CSMD1: variants seen among roughly 807,000 people sequenced by gnomAD.
The protein encoded by CSMD1 is CUB and Sushi multiple domains 1.
A neutral mutation model predicts 417.5 loss-of-function variants in CSMD1; 213 were observed. The ratio of observed to expected loss-of-function variants is 0.51; its 90% CI spans 0.46 to 0.57. CSMD1 has a LOEUF of 0.57. Among genes scored for constraint, CSMD1 ranks in the 20% least tolerant of loss-of-function variants. The pLI is 0.00. For synonymous variants in CSMD1, 2,862 were observed against 1,736.8 expected (o/e 1.65, Z -16.11); for missense variants, 6,923 against 4,529.7 (o/e 1.53, Z -15.17).
intron 1 of CSMD1, among the ~76,000 whole-genome samples, chr8:4,821,833 T>A (rs1244737215): frequency 6.6e-6 from 1 of 152,092 alleles, no homozygotes; most frequent in East Asian, 1.9e-4. Flanking sequence ...CAAACTCAGA[T>A]CAGAAAAGCT....
In CSMD1 at chr8:3,619,733, CAT is replaced by C. The variant is rs1411827807; in HGVS notation, c.1010-2938_1010-2937del. On this transcript the variant is annotated intron_variant, in intron 7 of 69. Transcript: ENST00000635120. ...AGCAAGTCCTCATAAACAAGGGATC[CAT>C]AATAAGACTATCAACAGGTTTCTCC... 2.0e-5 allele frequency among the ~76,000 whole-genome samples: 3 copies of C among 151,880 alleles called. No homozygotes were observed. In the East Asian group the frequency reaches 5.8e-4, roughly 29 times the overall value.
At chr8:3,172,074 G>A (rs1820613389) in intron 37 of CSMD1, among the ~76,000 whole-genome samples, 1 of 152,082 alleles carries the variant, frequency 6.6e-6, no homozygotes, top group Non-Finnish European at 1.5e-5. Flanking sequence ...GCAGTAAATC[G>A]AGCTCCTTGC....
chr8:4,140,077 G>A (rs1188605301), intron 3 of CSMD1, among the ~76,000 whole-genome samples: 2 of 151,008 alleles, frequency 1.3e-5, no homozygotes, highest in Admixed American at 6.6e-5. Flanking sequence ...CAATAGCCAG[G>A]TACAGTTACT....
At chr8:3,481,610 T>G (rs1176745458) in intron 11 of CSMD1, among the ~76,000 whole-genome samples, 1 of 152,156 alleles carries the variant, frequency 6.6e-6, no homozygotes, top group Non-Finnish European at 1.5e-5. Context: ...GATCGAAATG[T>G]GGGGGATTGT....
chr8:3,506,651 T>C (rs1228033571), intron 10 of CSMD1, among the ~76,000 whole-genome samples: 1 of 152,198 alleles, frequency 6.6e-6, no homozygotes, highest in Non-Finnish European at 1.5e-5. Flanking sequence ...TACATCTGCA[T>C]ATTCAGTAAG....
intron 26 of CSMD1, among the ~76,000 whole-genome samples, chr8:3,249,002 C>T (rs571240166): frequency 4.5e-4 from 69 of 152,178 alleles, no homozygotes; most frequent in Admixed American, 6.5e-4. Context: ...ACTTGCTGAG[C>T]TCAGATGCTG....
At chr8:3,340,656 A>G (rs924451522) in intron 23 of CSMD1, among the ~76,000 whole-genome samples, 6 of 152,190 alleles carry the variant, frequency 3.9e-5, no homozygotes, top group Non-Finnish European at 7.3e-5. Flanking sequence ...TGATTCAGGT[A>G]TTTGATGACC....
chr8:4,981,716 G>T (rs542329152), intron 1 of CSMD1, among the ~76,000 whole-genome samples: 1 of 152,140 alleles, frequency 6.6e-6, no homozygotes, highest in African/African-American at 2.4e-5. Flanking sequence ...ACCCCCACCT[G>T]CTGATGTCCG....
At chr8:4,737,121 T>C (rs1425379345) in intron 1 of CSMD1, among the ~76,000 whole-genome samples, 3 of 151,946 alleles carry the variant, frequency 2.0e-5, no homozygotes, top group African/African-American at 7.3e-5. Context: ...AAAGAAAATG[T>C]GGTACATCCA....
chr8:4,380,000 G>C (rs1435771515), intron 3 of CSMD1, among the ~76,000 whole-genome samples: 1 of 152,192 alleles, frequency 6.6e-6, no homozygotes. Context: ...GTATTGCAGA[G>C]AGGACTGCTG....
intron 6 of CSMD1, among the ~76,000 whole-genome samples, chr8:3,751,314 GTGTGTGTGTGTGTA>G (rs1473356220): frequency 6.8e-6 from 1 of 145,990 alleles, no homozygotes; most frequent in Non-Finnish European, 1.5e-5. Flanking sequence ...GTGTGTGTGT[GTGTGTGTGTGTGTA>G]TATATATATA....
chr8:3,107,935 G>C (rs190385228), intron 44 of CSMD1, 137 bp from the exon 45 acceptor site: 31 of 561,014 alleles, frequency 5.5e-5, no homozygotes, highest in Admixed American at 5.0e-4. Flanking sequence ...CTGAATCATA[G>C]CTTTATAAAA....
intron 3 of CSMD1, among the ~76,000 whole-genome samples, chr8:4,355,112 A>G (rs1037230146): frequency 3.9e-5 from 6 of 152,012 alleles, no homozygotes; most frequent in East Asian, 1.9e-4. Context: ...AAGACAAAAA[A>G]TTAGCCGGGC....
chr8:3,837,071 G>C (rs1454137822), intron 5 of CSMD1, among the ~76,000 whole-genome samples: 1 of 151,282 alleles, frequency 6.6e-6, no homozygotes, highest in African/African-American at 2.4e-5. Flanking sequence ...TTTTCAACAT[G>C]AAGAGCTAGG....
intron 3 of CSMD1, among the ~76,000 whole-genome samples, chr8:4,402,788 CCTCA>C (rs1030745299): frequency 3.4e-5 from 5 of 146,934 alleles, no homozygotes; most frequent in Non-Finnish European, 7.5e-5. Context: ...AGTATAATGT[CCTCA>C]CTTTTTTCTT....
intron 37 of CSMD1, among the ~76,000 whole-genome samples, chr8:3,179,139 G>T (rs1023624830): frequency 1.3e-5 from 2 of 151,046 alleles, no homozygotes; most frequent in African/African-American, 2.4e-5. Context: ...TAGATACGGG[G>T]TTTCAACGTG....
rs567210376 is a variant in CSMD1, at chr8:4,809,156, C to G, written c.86-171598G>C. Reference sequence around the variant, plus strand: ...GCTATTAATTCAGGGACAACTGTTACATACATTCATGATAAATACACGTCT... The same window carrying G: ...GCTATTAATTCAGGGACAACTGTTAGATACATTCATGATAAATACACGTCT... On this transcript the variant is annotated intron_variant, in intron 1 of 69. Coordinates refer to ENST00000635120, the MANE Select transcript of CSMD1 (RefSeq NM_033225.6). Among the ~76,000 whole-genome samples the G allele has an allele frequency of 2.0e-5, 3 of 152,294 alleles. No homozygotes were observed. In the East Asian group the frequency reaches 5.8e-4, roughly 29 times the overall value.
intron 3 of CSMD1, among the ~76,000 whole-genome samples, chr8:4,068,187 C>T (rs562290511): frequency 8.6e-4 from 131 of 152,242 alleles, no homozygotes; most frequent in Non-Finnish European, 1.7e-3. Context: ...AAAGGGGTGG[C>T]AGAAGGGCAG....
chr8:4,840,353 A>G (rs2116772541), intron 1 of CSMD1, among the ~76,000 whole-genome samples: 1 of 152,354 alleles, frequency 6.6e-6, no homozygotes, highest in Admixed American at 6.5e-5. Flanking sequence ...TGCAATGATG[A>G]TAACTGTATG....
Sources: gnomAD v4.1 joint callset for allele counts (sites outside exome capture counted in the v4.1 genomes callset) on GRCh38, gnomAD v4.1.1 for gene constraint, MANE v1.5 for transcripts, NCBI Gene and HGNC (gene_info 2026-07-23, HGNC 2026-07-21) for gene names.